The following ADCY10 variants were observed in gnomAD, a reference collection of about 807,000 sequenced individuals.
ADCY10 encodes adenylate cyclase 10, also known as adenylate cyclase type 10.
In ADCY10, 156 loss-of-function variants were observed where a neutral mutation model predicts 183.3. The observed-to-expected ratio is 0.85, with a 90% CI of 0.75 to 0.97. The LOEUF (loss-of-function observed/expected upper bound fraction) is 0.97. Among genes scored for constraint, ADCY10 ranks in the 50% least tolerant of loss-of-function variants. The pLI is 0.00. For synonymous variants in ADCY10, 645 were observed against 670.0 expected (o/e 0.96, Z 0.58); for missense variants, 1,745 against 1,934.3 (o/e 0.90, Z 1.84).
At chr1:167,811,062 T>C in intron 31 of ADCY10, 149 bp from the exon 32 acceptor site, 1 of 753,540 alleles carries the variant, frequency 1.3e-6, no homozygotes, top group South Asian at 1.7e-5. Context: ...CAGTAGGTAT[T>C]GGAGATAAGA....
chr1:167,884,087 A>T (rs203852), intron 8 of ADCY10, among the ~76,000 whole-genome samples: 2,302 of 152,312 alleles, frequency 0.015, 61 homozygotes, highest in African/African-American at 0.053. Flanking sequence ...TCAAGCATTT[A>T]TCCTTTGTGT....
In ADCY10 at chr1:167,852,169, G is replaced by A. The variant is rs529382446; in HGVS notation, c.2308+2184C>T. Among the ~76,000 whole-genome samples, 3 of 152,250 alleles carry A rather than the reference G, an allele frequency of 2.0e-5. No homozygotes were observed. In the South Asian group the frequency reaches 6.2e-4, roughly 32 times the overall value. ...TAAAAAGCTCATAACAGGGCCAGGT[G>A]CAGTGGCTCACACCTGTAAACCCAG... On this transcript the variant is annotated intron_variant, in intron 18 of 32. Transcript: ENST00000367851.
At position 167,810,879 on chromosome 1, in the gene ADCY10, CCAGTGG is replaced by C. The variant is rs1558137353; in HGVS notation, c.4511_4516del (p.Thr1504_Gly1506delinsSer). 6.2e-7 allele frequency: 1 copy of C among 1,614,092 alleles called. No individual in the cohort carries two copies. Among genetic ancestry groups the C allele is most frequent in the Non-Finnish European group, 8.5e-7 (1 of 1,180,014 alleles). On this transcript the variant is annotated inframe_deletion, in exon 32 of 33. Coordinates refer to ENST00000367851, the MANE Select transcript of ADCY10 (RefSeq NM_018417.6). ...GTAGAGCCTTGGGCAAAAGACAGGG[CCAGTGG>C]TATTTTGAGCCACCAGATTCTCCAA...
chr1:167,892,826 G>C (rs994684657), intron 8 of ADCY10, among the ~76,000 whole-genome samples: 10 of 152,178 alleles, frequency 6.6e-5, no homozygotes, highest in Non-Finnish European at 1.3e-4. Flanking sequence ...CATATATTAG[G>C]AGGGTGGATA....
intron 23 of ADCY10, among the ~76,000 whole-genome samples, chr1:167,836,030 G>A (rs1034900753): frequency 2.6e-5 from 4 of 152,204 alleles, no homozygotes; most frequent in African/African-American, 9.7e-5. Flanking sequence ...TTGGGAATGA[G>A]ATGTGCCCCC....
chr1:167,854,117 C>G (rs763456682), intron 18 of ADCY10, among the ~76,000 whole-genome samples: 1 of 152,070 alleles, frequency 6.6e-6, no homozygotes, highest in African/African-American at 2.4e-5. Flanking sequence ...GAGATTTAGG[C>G]GTGAGCCACC....
intron 29 of ADCY10, among the ~76,000 whole-genome samples, 191 bp downstream of exon 29, chr1:167,822,817 C>G (rs770906048): frequency 6.6e-6 from 1 of 152,060 alleles, no homozygotes; most frequent in Non-Finnish European, 1.5e-5. Context: ...TCCTTCTTGC[C>G]GTGCCTTTAC....
chr1:167,810,368 C>T (rs1662126191), intron 32 of ADCY10, among the ~76,000 whole-genome samples: 1 of 152,128 alleles, frequency 6.6e-6, no homozygotes, highest in Non-Finnish European at 1.5e-5. Context: ...AAATTAACCC[C>T]CAAGGTAATG....
intron 13 of ADCY10, among the ~76,000 whole-genome samples, chr1:167,872,610 G>A (rs753304227): frequency 1.4e-4 from 22 of 151,828 alleles, no homozygotes; most frequent in Admixed American, 3.3e-4. Context: ...TGTCAACCAT[G>A]CTGTTGCAAT....
intron 11 of ADCY10, 85 bp from the exon 12 acceptor site, chr1:167,878,720 AT>A: frequency 7.3e-7 from 1 of 1,377,342 alleles, no homozygotes; most frequent in African/African-American, 1.4e-5. Context: ...CCCAAATAGC[AT>A]TTTTACCCTT....
At chr1:167,887,382 C>T (rs1395844502) in intron 8 of ADCY10, among the ~76,000 whole-genome samples, 1 of 152,204 alleles carries the variant, frequency 6.6e-6, no homozygotes, top group Non-Finnish European at 1.5e-5. Flanking sequence ...AGGATGAGTT[C>T]ACGTCCTTTG....
chr1:167,831,301 T>C (rs1280457372), intron 25 of ADCY10, among the ~76,000 whole-genome samples: 4 of 152,138 alleles, frequency 2.6e-5, no homozygotes, highest in Non-Finnish European at 5.9e-5. Context: ...GCAATTCCCC[T>C]GCCTCAACCT....
At chr1:167,824,876 A>G (rs1478029364) in intron 26 of ADCY10, 21 bp from the exon 27 acceptor site, 2 of 1,609,754 alleles carry the variant, frequency 1.2e-6, no homozygotes, top group African/African-American at 2.7e-5. Context: ...AGAGTGGAGG[A>G]AGAGTGAGGC....
chr1:167,849,979 A>G (rs540985434), intron 18 of ADCY10, among the ~76,000 whole-genome samples: 5 of 152,294 alleles, frequency 3.3e-5, no homozygotes, highest in African/African-American at 9.6e-5. Context: ...GTTTGGGAGC[A>G]GAGCATGGAG....
At chr1:167,869,374 A>G (rs934260801) in intron 14 of ADCY10, among the ~76,000 whole-genome samples, 2 of 152,230 alleles carry the variant, frequency 1.3e-5, no homozygotes, top group South Asian at 4.1e-4. Flanking sequence ...AAGTGGCAAA[A>G]ATAAGAGTGA....
chr1:167,909,581 A>G (rs1571480617), intron 1 of ADCY10, among the ~76,000 whole-genome samples: 1 of 152,006 alleles, frequency 6.6e-6, no homozygotes, highest in South Asian at 2.1e-4. Context: ...CTCATCAGCT[A>G]TCATTATTGT....
chr1:167,877,399 G>T (rs1667548988), intron 12 of ADCY10, among the ~76,000 whole-genome samples: 1 of 151,696 alleles, frequency 6.6e-6, no homozygotes, highest in African/African-American at 2.4e-5. Flanking sequence ...CAGGAATACT[G>T]AAGGGAATAA....
Position 167,809,751 on chromosome 1 carries a change from C to T in ADCY10, c.4760G>A (p.Gly1587Asp). ...SLPSWEKIVAGRVNIQDLQKN... is the reference protein window; with the variant it reads ...SLPSWEKIVADRVNIQDLQKN... ...TTGAAGATCCTGAATGTTTACCCTG[C>T]CTGCTACAATTTTTTCCCATGATGG... is the stretch of plus-strand genomic sequence containing the variant. Residue 1587 changes from glycine (G) to aspartate (D), a missense_variant, in exon 33 of 33, where the codon GGC becomes GAC. By Grantham distance (94) the Gly-to-Asp change is moderately conservative (BLOSUM62 -1). Transcript: ENST00000367851. 6.2e-7 allele frequency: 1 copy of T among 1,614,148 alleles called. No individual in the cohort carries two copies. The highest frequency in any genetic ancestry group is 8.5e-7 in the Non-Finnish European group (1 of 1,180,006).
At chr1:167,901,562 G>A in intron 5 of ADCY10, 100 bp downstream of exon 5, 1 of 1,240,156 alleles carries the variant, frequency 8.1e-7, no homozygotes, top group Non-Finnish European at 1.2e-6. Context: ...ATGGGGCTGA[G>A]CCACCATGTT....
Sources: allele counts gnomAD v4.1 joint callset (sites outside exome capture counted in the v4.1 genomes callset), GRCh38; gene constraint gnomAD v4.1.1; transcripts MANE v1.5; gene names NCBI Gene and HGNC (gene_info 2026-07-23, HGNC 2026-07-21).